Variants in CHLSN observed in about 807,000 individuals in gnomAD.
CHLSN encodes protein cholesin.
the CHLSN span, among the ~76,000 whole-genome samples, chr7:1,095,052 C>CG: frequency 2.9e-3 from 443 of 152,318 alleles, 7 homozygotes; most frequent in Admixed American, 0.023. Flanking sequence ...TGGCACAGTC[C>CG]TGCAGAACAC....
At chr7:995,177 T>C in the CHLSN span, among the ~76,000 whole-genome samples, 1 of 152,220 alleles carries the variant, frequency 6.6e-6, no homozygotes, top group Non-Finnish European at 1.5e-5. Context: ...TGGGGTTGCA[T>C]GGGCGGGTGC....
At chr7:1,068,703 A>G in the CHLSN span, among the ~76,000 whole-genome samples, 1 of 152,102 alleles carries the variant, frequency 6.6e-6, no homozygotes, top group Non-Finnish European at 1.5e-5. Flanking sequence ...CTATGACGAA[A>G]GTTTTACTCG....
the CHLSN span, among the ~76,000 whole-genome samples, chr7:1,134,499 A>AGG: frequency 6.7e-6 from 1 of 149,288 alleles, no homozygotes; most frequent in Non-Finnish European, 1.5e-5. Flanking sequence ...ACTTGAAACT[A>AGG]TGGAGATTAC....
At chr7:1,135,895 A>G in the CHLSN span, among the ~76,000 whole-genome samples, 14 of 133,988 alleles carry the variant, frequency 1.0e-4, no homozygotes, top group Non-Finnish European at 2.0e-4. Context: ...ATATAAATAT[A>G]TAAGTATATA....
chr7:1,016,359 A>C, the CHLSN span, among the ~76,000 whole-genome samples: 2 of 86,358 alleles, frequency 2.3e-5, 1 homozygote, highest in Non-Finnish European at 4.4e-5. Flanking sequence ...ACGCCAGCGC[A>C]CAGCAGCACA....
chr7:1,130,870 A>C, the CHLSN span, among the ~76,000 whole-genome samples: 1 of 152,138 alleles, frequency 6.6e-6, no homozygotes, highest in East Asian at 1.9e-4. Context: ...GCCAGGGAAC[A>C]CCCAGAAAGC....
At chr7:1,008,781 C>A in the CHLSN span, among the ~76,000 whole-genome samples, 1 of 151,916 alleles carries the variant, frequency 6.6e-6, no homozygotes, top group African/African-American at 2.4e-5. Context: ...CACACGCACA[C>A]ACGCACATGT....
At chr7:1,053,692 T>G in the CHLSN span, among the ~76,000 whole-genome samples, 1 of 152,188 alleles carries the variant, frequency 6.6e-6, no homozygotes, top group African/African-American at 2.4e-5. Context: ...CTGGGTGTGG[T>G]GGCAGTCGCC....
chr7:1,102,715 G>A, the CHLSN span, among the ~76,000 whole-genome samples: 14 of 152,320 alleles, frequency 9.2e-5, no homozygotes, highest in Admixed American at 4.6e-4. Flanking sequence ...GCCCCTTTCC[G>A]TGAGGGTGGG....
At chr7:990,719 C>T in the CHLSN span, among the ~76,000 whole-genome samples, 4 of 152,074 alleles carry the variant, frequency 2.6e-5, no homozygotes, top group Admixed American at 6.5e-5. Flanking sequence ...GAGCAGGGAG[C>T]GAGTGCTGGC....
the CHLSN span, chr7:1,010,190 G>C: frequency 6.5e-7 from 1 of 1,548,820 alleles, no homozygotes; most frequent in Non-Finnish European, 8.7e-7. Flanking sequence ...AGGGTATCCA[G>C]AGACGGGTGC....
At chr7:1,108,937 C>T in the CHLSN span, among the ~76,000 whole-genome samples, 5,371 of 148,560 alleles carry the variant, frequency 0.036, 253 homozygotes, top group African/African-American at 0.11. Flanking sequence ...CGCTCTGTCG[C>T]CCAGGCTGGA....
chr7:1,094,674 C>G, the CHLSN span, among the ~76,000 whole-genome samples: 128 of 151,750 alleles, frequency 8.4e-4, no homozygotes, highest in African/African-American at 3.0e-3. Flanking sequence ...ACACATGAGC[C>G]CAGGAAACTC....
chr7:987,570 G>A, the CHLSN span: 2 of 1,473,666 alleles, frequency 1.4e-6, no homozygotes, highest in South Asian at 2.6e-5. Context: ...ATCTCCTCTG[G>A]GGTAGGCCTC....
chr7:1,023,025 C>A, the CHLSN span: 2 of 458,434 alleles, frequency 4.4e-6, no homozygotes, highest in South Asian at 3.1e-5. The surrounding 1 kb of genome is among the most constrained non-coding windows in gnomAD (Gnocchi z 5.0). Flanking sequence ...GCGGCCGCCC[C>A]GCCCCTGCGG....
At chr7:1,057,849 T>C in the CHLSN span, 1 of 777,604 alleles carries the variant, frequency 1.3e-6, no homozygotes, top group Non-Finnish European at 2.4e-6. Flanking sequence ...CTTCAATGTG[T>C]CCTCACTGGT....
At chr7:1,052,017 C>A in the CHLSN span, among the ~76,000 whole-genome samples, 1 of 152,188 alleles carries the variant, frequency 6.6e-6, no homozygotes, top group African/African-American at 2.4e-5. This position sits in a 1 kb window ranked among gnomAD's most constrained non-coding sequence, Gnocchi z 4.2. Flanking sequence ...ACAGATGAAT[C>A]CCATTTGTGA....
the CHLSN span, among the ~76,000 whole-genome samples, chr7:1,029,908 G>C: frequency 6.6e-6 from 1 of 152,216 alleles, no homozygotes; most frequent in African/African-American, 2.4e-5. Context: ...GTGGACTGGA[G>C]GCCTCCTGGA....
the CHLSN span, among the ~76,000 whole-genome samples, chr7:1,022,158 C>A: frequency 1.3e-5 from 2 of 152,222 alleles, no homozygotes; most frequent in Non-Finnish European, 2.9e-5. Context: ...TCGTGAGCCA[C>A]GGTGGTGACG....
Sources: allele counts gnomAD v4.1 joint callset (sites outside exome capture counted in the v4.1 genomes callset), GRCh38; gene constraint gnomAD v4.1.1; non-coding constraint Gnocchi (gnomAD v3.1); transcripts MANE v1.5; gene names NCBI Gene and HGNC (gene_info 2026-07-23, HGNC 2026-07-21).